C4orf51: variants seen among roughly 807,000 people sequenced by gnomAD.
C4orf51 encodes the protein uncharacterized protein C4orf51.
A neutral mutation model predicts 25.2 loss-of-function variants in C4orf51; 25 were observed. The ratio of observed to expected loss-of-function variants is 0.99; its 90% CI spans 0.72 to 1.39. The LOEUF (loss-of-function observed/expected upper bound fraction) is 1.39, where lower values mean the gene tolerates loss of function less well. C4orf51 is among the 40% of genes most tolerant of loss of function. The pLI is 0.00. For synonymous variants in C4orf51, 100 were observed against 84.5 expected (o/e 1.18, Z -1.01); for missense variants, 252 against 239.6 (o/e 1.05, Z -0.34).
chr4:145,691,399 A>G (rs1729552128), intron 1 of C4orf51, among the ~76,000 whole-genome samples: 1 of 152,222 alleles, frequency 6.6e-6, no homozygotes, highest in South Asian at 2.1e-4. Flanking sequence ...TTCTCAAAGA[A>G]CTAAATATAG....
Position 145,766,985 on chromosome 4 carries a change from T to C in C4orf51, n.167-4003T>C, listed in dbSNP as rs143287857. On this transcript the variant is annotated intron_variant and non_coding_transcript_variant, in intron 1 of 1. Transcript: ENST00000510096. ...CTAAAACAAAGGTCAAGAGTATGTA[T>C]AGGAATATAAAATATTAAGCACCCA... is the stretch of plus-strand genomic sequence containing the variant. Among the ~76,000 whole-genome samples the C allele has an allele frequency of 1.2e-4, 18 of 152,264 alleles. No individual in the cohort carries two copies. In the East Asian group the frequency reaches 1.5e-3, roughly 13 times the overall value.
chr4:145,767,266 G>C, intron 1 of C4orf51, among the ~76,000 whole-genome samples: 1 of 152,192 alleles, frequency 6.6e-6, no homozygotes, highest in Non-Finnish European at 1.5e-5. Flanking sequence ...ATTACCAGCA[G>C]TAATCCCATT....
downstream of C4orf51, among the ~76,000 whole-genome samples, chr4:145,754,546 T>C (rs139644004): frequency 1.3e-4 from 20 of 152,206 alleles, 1 homozygote; most frequent in East Asian, 3.7e-3. Flanking sequence ...CCCTAACTCA[T>C]CAAACCAGAT....
At chr4:145,772,217 T>C (rs973991200), downstream of C4orf51, among the ~76,000 whole-genome samples, 3 of 152,196 alleles carry the variant, frequency 2.0e-5, no homozygotes, top group Non-Finnish European at 4.4e-5. Flanking sequence ...TGAAGGTACA[T>C]TGATTCCCCA....
chr4:145,748,174 A>T (rs1226684395), intron 1 of C4orf51, among the ~76,000 whole-genome samples: 1 of 152,108 alleles, frequency 6.6e-6, no homozygotes, highest in Non-Finnish European at 1.5e-5. Flanking sequence ...ATTTACGGGT[A>T]TCTAGTTGCT....
the C4orf51 span, among the ~76,000 whole-genome samples, chr4:145,783,996 C>T: frequency 1.1e-4 from 16 of 152,098 alleles, no homozygotes; most frequent in South Asian, 2.1e-4. Flanking sequence ...TGAGTTCTCA[C>T]GAGATCTGGT....
intron 1 of C4orf51, among the ~76,000 whole-genome samples, chr4:145,682,201 C>T (rs1728878717): frequency 6.6e-6 from 1 of 151,868 alleles, no homozygotes; most frequent in Non-Finnish European, 1.5e-5. Flanking sequence ...TGAGGTTCAT[C>T]TGTTTTTGGA....
In C4orf51 at chr4:145,765,689, G is replaced by A; in HGVS notation, n.167-5299G>A. 1 of 1,614,138 alleles carries A rather than the reference G, an allele frequency of 6.2e-7. No homozygotes were observed. The highest frequency in any genetic ancestry group is 1.1e-5 in the South Asian group (1 of 91,072). Reference sequence around the variant, plus strand: ...TGGCTGAATCACTCAGAGCTGAGAGGGAGGATGAAGAGGGGCTATTTGATT... The same window carrying A: ...TGGCTGAATCACTCAGAGCTGAGAGAGAGGATGAAGAGGGGCTATTTGATT... On this transcript the variant is annotated intron_variant and non_coding_transcript_variant, in intron 1 of 1. Coordinates refer to the C4orf51 transcript ENST00000510096. The surrounding 1 kb of genome is among the most constrained non-coding windows in gnomAD (Gnocchi z 4.7).
chr4:145,693,486 C>T (rs571434434), intron 1 of C4orf51, among the ~76,000 whole-genome samples: 1 of 152,292 alleles, frequency 6.6e-6, no homozygotes, highest in African/African-American at 2.4e-5. Context: ...CCCACCTTTC[C>T]CGCCCTTCCA....
intron 2 of C4orf51, among the ~76,000 whole-genome samples, chr4:145,712,837 C>CA (rs1731207166): frequency 6.6e-6 from 1 of 152,176 alleles, no homozygotes; most frequent in Non-Finnish European, 1.5e-5. Context: ...AGCTTGGCTT[C>CA]AAAACTTCAA....
At chr4:145,756,875 A>G (rs1733986165), downstream of C4orf51, among the ~76,000 whole-genome samples, 1 of 152,234 alleles carries the variant, frequency 6.6e-6, no homozygotes, top group South Asian at 2.1e-4. Flanking sequence ...TTAAAAAAGT[A>G]AATTTGATCT....
chr4:145,750,406 G>A (rs993815470), intron 1 of C4orf51, among the ~76,000 whole-genome samples: 5 of 135,104 alleles, frequency 3.7e-5, no homozygotes, highest in African/African-American at 1.4e-4. Context: ...CTATTCTAGG[G>A]TAAAAGTTTT....
intron 1 of C4orf51, among the ~76,000 whole-genome samples, chr4:145,686,079 G>A (rs1295965044): frequency 6.6e-6 from 1 of 152,020 alleles, no homozygotes; most frequent in Non-Finnish European, 1.5e-5. Flanking sequence ...AATATTATTC[G>A]GCCTTAAAAA....
intron 1 of C4orf51, among the ~76,000 whole-genome samples, chr4:145,695,016 A>T (rs1729960181): frequency 6.6e-6 from 1 of 152,226 alleles, no homozygotes; most frequent in Admixed American, 6.5e-5. Flanking sequence ...TACAGTTGGG[A>T]ATATGGAAAG....
chr4:145,744,708 C>T (rs184876145), intron 1 of C4orf51, among the ~76,000 whole-genome samples: 241 of 152,188 alleles, frequency 1.6e-3, no homozygotes, highest in Non-Finnish European at 2.8e-3. Flanking sequence ...AAAAAATTAG[C>T]CAGGTGTAGT....
intron 1 of C4orf51, among the ~76,000 whole-genome samples, chr4:145,769,416 G>A (rs1735908616): frequency 6.6e-6 from 1 of 152,176 alleles, no homozygotes; most frequent in Non-Finnish European, 1.5e-5. Context: ...CCTGTTGCAA[G>A]TGATTCTTTT....
chr4:145,742,619 A>C (rs2126796205), intron 1 of C4orf51, among the ~76,000 whole-genome samples: 1 of 138,802 alleles, frequency 7.2e-6, no homozygotes, highest in East Asian at 2.0e-4. Flanking sequence ...AGCTCACTGC[A>C]ACCTCCACTT....
intron 2 of C4orf51, among the ~76,000 whole-genome samples, chr4:145,723,866 G>C (rs2126755547): frequency 6.6e-6 from 1 of 152,268 alleles, no homozygotes; most frequent in East Asian, 1.9e-4. Flanking sequence ...ACCTCGCAAA[G>C]AAAAGTCATT....
At chr4:145,774,738 T>G, downstream of C4orf51, 1 of 1,528,722 alleles carries the variant, frequency 6.5e-7, no homozygotes, top group South Asian at 1.2e-5. Context: ...AAATGTAGGC[T>G]GTCCATTTAT....
Sources: allele counts gnomAD v4.1 joint callset (sites outside exome capture counted in the v4.1 genomes callset), GRCh38; gene constraint gnomAD v4.1.1; non-coding constraint Gnocchi (gnomAD v3.1); transcripts MANE v1.5; gene names NCBI Gene and HGNC (gene_info 2026-07-23, HGNC 2026-07-21).